Variants in SLC7A1 observed in about 807,000 individuals in gnomAD.
The protein encoded by SLC7A1 is high affinity cationic amino acid transporter 1.
A neutral mutation model predicts 53.9 loss-of-function variants in SLC7A1; 10 were observed. That is an observed-to-expected ratio of 0.19 (90% confidence interval 0.11 to 0.31). The LOEUF (loss-of-function observed/expected upper bound fraction) is 0.31. Ranked by LOEUF, SLC7A1 falls within the 10% of genes least tolerant of loss-of-function variation. SLC7A1 has a pLI of 1.00. For synonymous variants in SLC7A1, 342 were observed against 338.7 expected (o/e 1.01, Z -0.11); for missense variants, 525 against 827.2 (o/e 0.63, Z 4.48).
chr13:29,521,547 T>C lies in SLC7A1; in HGVS notation c.1189+770A>G, dbSNP rs78798264. Among the ~76,000 whole-genome samples, 69 of 152,322 alleles carry C rather than the reference T, an allele frequency of 4.5e-4. 1 individual carries two copies. In the East Asian group the frequency reaches 0.013, roughly 29 times the overall value. ...TCTACATCTGTACAGTGGGCTGACG[T>C]CTGCCTTTTGGGGCTACGAAATGCA... On this transcript the variant is annotated intron_variant, in intron 8 of 12. Transcript: ENST00000380752.
At position 29,530,724 on chromosome 13, in the gene SLC7A1, C is replaced by T. The variant is rs1389034009; in HGVS notation, c.530-12G>A. ...AAGAGTTAAAAGTCCTGAAAAAGTG[C>T]ATAGACACAAAACTTTGTCTGAGTG... On this transcript the variant is annotated splice_polypyrimidine_tract_variant and intron_variant, in intron 4 of 12. Transcript: ENST00000380752. 5.6e-6 allele frequency: 9 copies of T among 1,611,682 alleles called. No homozygotes were observed. Among genetic ancestry groups the T allele is most frequent in the Admixed American group, 1.7e-5 (1 of 59,880 alleles).
At chr13:29,552,517 G>T (rs1209045355) in intron 2 of SLC7A1, among the ~76,000 whole-genome samples, 1 of 152,116 alleles carries the variant, frequency 6.6e-6, no homozygotes, top group African/African-American at 2.4e-5. Context: ...GTCCATGATG[G>T]CCATGACGCC....
Position 29,563,661 on chromosome 13 carries a change from C to G in SLC7A1, c.-114-9801G>C, listed in dbSNP as rs537269155. 9.8e-5 allele frequency among the ~76,000 whole-genome samples: 15 copies of G among 152,290 alleles called. 1 individual carries two copies. The South Asian group carries it at 2.1e-3, about 21-fold the overall frequency. The stretch of plus-strand genomic sequence containing the variant: ...TCCAACTGTTGGGGATGCCTTCGCC[C>G]TGCAGGCAGCATGGAGAAGATGGGC... On this transcript the variant is annotated intron_variant, in intron 1 of 12. Transcript: ENST00000380752.
chr13:29,514,630 C>A (rs766803989), intron 12 of SLC7A1, 47 bp from the exon 13 acceptor site: 68 of 1,430,360 alleles, frequency 4.8e-5, no homozygotes, highest in Non-Finnish European at 6.2e-5. Flanking sequence ...GCCGGTTGCA[C>A]CACCGCAGGC....
intron 1 of SLC7A1, among the ~76,000 whole-genome samples, chr13:29,566,210 A>T (rs1221853337): frequency 1.3e-5 from 2 of 152,224 alleles, no homozygotes; most frequent in East Asian, 3.8e-4. Context: ...AAAACGGAAG[A>T]ACAAAACAAC....
intron 1 of SLC7A1, among the ~76,000 whole-genome samples, chr13:29,561,933 G>A (rs1429122826): frequency 2.0e-5 from 3 of 152,192 alleles, no homozygotes; most frequent in Admixed American, 1.3e-4. Context: ...CTCTGTCCTT[G>A]AGCCTTCCAG....
chr13:29,566,810 C>T (rs1593573464), intron 1 of SLC7A1, among the ~76,000 whole-genome samples: 1 of 152,196 alleles, frequency 6.6e-6, no homozygotes, highest in East Asian at 1.9e-4. Context: ...GGAGCCCTAT[C>T]CAAAGGGACC....
intron 1 of SLC7A1, among the ~76,000 whole-genome samples, chr13:29,562,024 A>T (rs761775978): frequency 2.8e-4 from 43 of 152,252 alleles, no homozygotes; most frequent in Non-Finnish European, 5.4e-4. Context: ...TCACAAATGG[A>T]TGGTACTAGA....
At chr13:29,568,651 G>C (rs1169161793) in intron 1 of SLC7A1, among the ~76,000 whole-genome samples, 4 of 152,216 alleles carry the variant, frequency 2.6e-5, no homozygotes, top group Admixed American at 6.5e-5. Flanking sequence ...GCCCACTTTT[G>C]TATTGACCAT....
chr13:29,555,134 G>A (rs975110191), intron 1 of SLC7A1, among the ~76,000 whole-genome samples: 10 of 151,368 alleles, frequency 6.6e-5, no homozygotes, highest in Non-Finnish European at 1.2e-4. Context: ...CGAGGCGGGC[G>A]GATCACGAGG....
chr13:29,549,910 A>C (rs1161640375), intron 2 of SLC7A1, among the ~76,000 whole-genome samples: 1 of 152,124 alleles, frequency 6.6e-6, no homozygotes, highest in Non-Finnish European at 1.5e-5. Context: ...TGATCCACCC[A>C]CCTCAGCCTC....
In SLC7A1 at chr13:29,511,949, C is replaced by T. The variant is rs776677836; in HGVS notation, c.*2531G>A. On this transcript the variant is annotated 3_prime_UTR_variant, in exon 13 of 13. Transcript: ENST00000380752. ...GAATATTCTTGTTTGGGCAAGGGAA[C>T]TAAGAGATGTGAAACTATCATTTTT... 6 of 149,216 alleles carry T rather than the reference C, an allele frequency of 4.0e-5. No homozygotes were observed. The highest frequency in any genetic ancestry group is 8.9e-5 in the Non-Finnish European group (6 of 67,736). 9.2% of individuals were successfully genotyped at this position (149,216 alleles called of 1,614,324 possible).
chr13:29,516,626 G>A (rs1373491980), intron 11 of SLC7A1, among the ~76,000 whole-genome samples: 1 of 152,146 alleles, frequency 6.6e-6, no homozygotes, highest in Non-Finnish European at 1.5e-5. Flanking sequence ...CAGAAGCCTT[G>A]CCCGTCTCCA....
chr13:29,589,420 G>T (rs1440559150), intron 1 of SLC7A1, among the ~76,000 whole-genome samples: 13 of 152,272 alleles, frequency 8.5e-5, no homozygotes, highest in Admixed American at 8.5e-4. Context: ...CCAAAGGCTG[G>T]TGATGTAAAT....
At chr13:29,535,411 T>C (rs1225626884) in intron 3 of SLC7A1, among the ~76,000 whole-genome samples, 1 of 152,236 alleles carries the variant, frequency 6.6e-6, no homozygotes, top group Non-Finnish European at 1.5e-5. Flanking sequence ...GTTGTATCTG[T>C]AGACAGTAAA....
chr13:29,579,630 C>T (rs548027607), intron 1 of SLC7A1, among the ~76,000 whole-genome samples: 59 of 152,200 alleles, frequency 3.9e-4, no homozygotes, highest in Middle Eastern at 3.4e-3. Flanking sequence ...TCCAAAGTGC[C>T]ACTGCACCTG....
intron 2 of SLC7A1, among the ~76,000 whole-genome samples, chr13:29,542,520 C>CA (rs1369861387): frequency 4.0e-5 from 6 of 151,770 alleles, no homozygotes; most frequent in Non-Finnish European, 2.9e-5. Flanking sequence ...ATCATCTCTA[C>CA]AAAAAATTTA....
intron 1 of SLC7A1, among the ~76,000 whole-genome samples, chr13:29,561,014 G>A (rs1870731284): frequency 6.6e-6 from 1 of 152,120 alleles, no homozygotes. Context: ...TTACAAAGCG[G>A]TTTCGCCTGT....
intron 8 of SLC7A1, among the ~76,000 whole-genome samples, chr13:29,521,850 T>G (rs1868644220): frequency 6.6e-6 from 1 of 152,184 alleles, no homozygotes; most frequent in Admixed American, 6.5e-5. Context: ...AGCAGCACCC[T>G]TGATACTCTC....
Sources: allele counts gnomAD v4.1 joint callset (sites outside exome capture counted in the v4.1 genomes callset), GRCh38; gene constraint gnomAD v4.1.1; transcripts MANE v1.5; gene names NCBI Gene and HGNC (gene_info 2026-07-23, HGNC 2026-07-21).